Variants in MCPH1 observed in about 807,000 individuals in gnomAD.
MCPH1 encodes the protein microcephalin.
In MCPH1, 104 loss-of-function variants were observed where a neutral mutation model predicts 84.5. That is an observed-to-expected ratio of 1.23 (90% CI 1.05 to 1.45). The LOEUF is 1.45. MCPH1 is among the 40% of genes most tolerant of loss of function. The pLI is 0.00. For missense variants in MCPH1, 1,498 were observed against 1,005.7 expected (o/e 1.49, Z -6.62); for synonymous variants, 514 against 366.8 (o/e 1.40, Z -4.58).
chr8:6,584,782 A>G (rs1245166934), intron 12 of MCPH1, among the ~76,000 whole-genome samples: 1 of 152,214 alleles, frequency 6.6e-6, no homozygotes, highest in Non-Finnish European at 1.5e-5. Context: ...AGGTTTAGCT[A>G]TTTGGGGAAG....
At chr8:6,521,540 A>G (rs1817339865) in intron 12 of MCPH1, 1 of 685,536 alleles carries the variant, frequency 1.5e-6, no homozygotes, top group Non-Finnish European at 2.4e-6. Context: ...TGATGTTACC[A>G]GAGCCCTAAG....
intron 2 of MCPH1, among the ~76,000 whole-genome samples, chr8:6,413,045 T>A (rs1052063311): frequency 1.3e-5 from 2 of 152,212 alleles, no homozygotes; most frequent in African/African-American, 4.8e-5. Flanking sequence ...TATAATTGAA[T>A]GCTATAAAAA....
chr8:6,536,191 A>G (rs1820454064), intron 12 of MCPH1, among the ~76,000 whole-genome samples: 7 of 152,190 alleles, frequency 4.6e-5, no homozygotes, highest in Admixed American at 4.6e-4. Flanking sequence ...AATACTGTAT[A>G]TTTAGCCCCA....
At chr8:6,458,800 A>G (rs1214336208) in intron 9 of MCPH1, among the ~76,000 whole-genome samples, 2 of 152,010 alleles carry the variant, frequency 1.3e-5, no homozygotes, top group South Asian at 2.1e-4. Context: ...ACCCGCCAGC[A>G]CGCCTGGCTA....
chr8:6,449,134 CACAG>C (rs1345090440), intron 8 of MCPH1, among the ~76,000 whole-genome samples: 4 of 152,174 alleles, frequency 2.6e-5, no homozygotes, highest in South Asian at 2.1e-4. Context: ...TATCTTTTCA[CACAG>C]ACAGATACTG....
At chr8:6,440,285 T>C (rs887515786) in intron 6 of MCPH1, among the ~76,000 whole-genome samples, 4 of 152,364 alleles carry the variant, frequency 2.6e-5, no homozygotes, top group Admixed American at 1.3e-4. Flanking sequence ...CATAAGTCTT[T>C]CCAGCTTCCC....
At chr8:6,503,695 G>C (rs1046287238) in intron 12 of MCPH1, among the ~76,000 whole-genome samples, 1 of 152,152 alleles carries the variant, frequency 6.6e-6, no homozygotes, top group Admixed American at 6.6e-5. Context: ...TGATTTTTTC[G>C]GTTGAAGTTT....
chr8:6,418,860 G>A (rs547844035), intron 3 of MCPH1, among the ~76,000 whole-genome samples: 2 of 152,166 alleles, frequency 1.3e-5, no homozygotes, highest in South Asian at 2.1e-4. Flanking sequence ...GATTGTAGGC[G>A]TGAGCCACAG....
intron 12 of MCPH1, among the ~76,000 whole-genome samples, chr8:6,573,079 T>G (rs1243702419): frequency 6.6e-6 from 1 of 152,134 alleles, no homozygotes; most frequent in Non-Finnish European, 1.5e-5. Flanking sequence ...TTAAAATAAA[T>G]TAACAATAAT....
chr8:6,625,586 T>A lies in MCPH1; in HGVS notation c.2452+3895T>A, dbSNP rs1831987823. 3 of 985,124 alleles carry A rather than the reference T, an allele frequency of 3.0e-6. No homozygotes were observed. In the African/African-American group the frequency reaches 5.2e-5, roughly 17 times the overall value. 61.0% of individuals were successfully genotyped at this position (985,124 alleles called of 1,614,324 possible). On this transcript the variant is annotated intron_variant, in intron 13 of 13. Coordinates refer to ENST00000344683, the MANE Select transcript of MCPH1 (RefSeq NM_024596.5). ...ATACTCAAAAAAAAATCAATTAAAT[T>A]TATTCAAACTGGAATATCAACTGCT...
chr8:6,502,796 A>G (rs888144344), intron 12 of MCPH1: 64 of 374,306 alleles, frequency 1.7e-4, no homozygotes, highest in Non-Finnish European at 4.9e-5. Flanking sequence ...TGCACATAAC[A>G]TTCTTGGTTG....
At chr8:6,430,633 C>G (rs1801708054) in intron 3 of MCPH1, among the ~76,000 whole-genome samples, 1 of 151,998 alleles carries the variant, frequency 6.6e-6, no homozygotes, top group South Asian at 2.1e-4. Context: ...TTTATTTTTT[C>G]AAATAACTGT....
chr8:6,495,473 A>G (rs1811125110), intron 11 of MCPH1, among the ~76,000 whole-genome samples: 1 of 152,244 alleles, frequency 6.6e-6, no homozygotes, highest in Non-Finnish European at 1.5e-5. Flanking sequence ...CCAAAACAGC[A>G]TACAAACTAG....
At chr8:6,580,779 G>A (rs1234698305) in intron 12 of MCPH1, among the ~76,000 whole-genome samples, 1 of 152,208 alleles carries the variant, frequency 6.6e-6, no homozygotes, top group Non-Finnish European at 1.5e-5. Context: ...GGCCATGATG[G>A]TAGTTAGTGC....
chr8:6,603,892 T>A (rs555444763), intron 12 of MCPH1, among the ~76,000 whole-genome samples: 1 of 152,356 alleles, frequency 6.6e-6, no homozygotes, highest in Non-Finnish European at 1.5e-5. Context: ...AATGTGCTTT[T>A]TACAATGCTT....
chr8:6,531,399 C>T (rs1819486608), intron 12 of MCPH1, among the ~76,000 whole-genome samples: 1 of 151,962 alleles, frequency 6.6e-6, no homozygotes, highest in African/African-American at 2.4e-5. Context: ...AGCAATTCTC[C>T]TGCCTCAGCC....
intron 12 of MCPH1, among the ~76,000 whole-genome samples, chr8:6,549,277 T>G (rs1000227103): frequency 3.3e-5 from 5 of 152,206 alleles, no homozygotes; most frequent in African/African-American, 1.2e-4. Flanking sequence ...TGCACGGTGA[T>G]GGAAAAGAAG....
At chr8:6,483,131 G>C (rs1480137135) in intron 11 of MCPH1, among the ~76,000 whole-genome samples, 3 of 152,152 alleles carry the variant, frequency 2.0e-5, no homozygotes. Context: ...AATAAGTGCA[G>C]GATCTGTGTG....
At chr8:6,414,131 A>G (rs888887554) in intron 2 of MCPH1, among the ~76,000 whole-genome samples, 7 of 152,020 alleles carry the variant, frequency 4.6e-5, no homozygotes, top group African/African-American at 1.7e-4. Flanking sequence ...CTTTGTATTT[A>G]TGCATTTAAG....
Sources: allele counts gnomAD v4.1 joint callset (sites outside exome capture counted in the v4.1 genomes callset), GRCh38; gene constraint gnomAD v4.1.1; transcripts MANE v1.5; gene names NCBI Gene and HGNC (gene_info 2026-07-23, HGNC 2026-07-21).